MSRA: variants seen among roughly 807,000 people sequenced by gnomAD.
MSRA encodes the protein methionine sulfoxide reductase A.
A neutral mutation model predicts 31.3 loss-of-function variants in MSRA; 54 were observed. The ratio of observed to expected loss-of-function variants is 1.73; its 90% CI spans 1.39 to 2.17. The LOEUF is 2.17. MSRA is among the 30% of genes most tolerant of loss of function. MSRA has a pLI of 0.00. For missense variants in MSRA, 507 were observed against 300.9 expected, an observed-to-expected ratio of 1.69 and a Z score of -5.07; for synonymous variants, 169 against 116.5, an observed-to-expected ratio of 1.45 and a Z score of -2.90.
intron 5 of MSRA, among the ~76,000 whole-genome samples, chr8:10,374,935 A>G (rs1805674662): frequency 6.6e-6 from 1 of 151,646 alleles, no homozygotes; most frequent in Admixed American, 6.6e-5. Flanking sequence ...AAGAGCTTGG[A>G]CCCTCCTCCT....
At chr8:10,111,966 G>A (rs1465595374) in intron 1 of MSRA, among the ~76,000 whole-genome samples, 1 of 152,090 alleles carries the variant, frequency 6.6e-6, no homozygotes, top group Non-Finnish European at 1.5e-5. Context: ...TTGGGTTTTT[G>A]TGGCTGCTCT....
intron 2 of MSRA, among the ~76,000 whole-genome samples, chr8:10,210,219 T>C (rs904786430): frequency 1.3e-5 from 2 of 152,140 alleles, no homozygotes; most frequent in Non-Finnish European, 2.9e-5. Flanking sequence ...ACTCATATAC[T>C]CCTCTTCCTA....
intron 1 of MSRA, among the ~76,000 whole-genome samples, chr8:10,206,018 G>A (rs763230844): frequency 6.6e-6 from 1 of 152,162 alleles, no homozygotes; most frequent in Non-Finnish European, 1.5e-5. Flanking sequence ...TACTTTCATA[G>A]ATATTATGTG....
chr8:10,144,253 C>T (rs771655840), intron 1 of MSRA, among the ~76,000 whole-genome samples: 1 of 152,228 alleles, frequency 6.6e-6, no homozygotes. Flanking sequence ...TGTTTAGGAG[C>T]GAGAACTGTT....
chr8:10,413,377 T>A (rs561666436), intron 5 of MSRA, among the ~76,000 whole-genome samples: 8 of 152,278 alleles, frequency 5.3e-5, no homozygotes, highest in African/African-American at 1.7e-4. Flanking sequence ...TTTACAGAAT[T>A]AGTCCAAGAA....
At chr8:10,212,544 T>G (rs1809595186) in intron 2 of MSRA, among the ~76,000 whole-genome samples, 1 of 152,234 alleles carries the variant, frequency 6.6e-6, no homozygotes, top group Non-Finnish European at 1.5e-5. Context: ...TTATATTCAA[T>G]AAATATTGTT....
At chr8:10,288,921 A>G (rs1320885252) in intron 3 of MSRA, among the ~76,000 whole-genome samples, 2 of 152,204 alleles carry the variant, frequency 1.3e-5, no homozygotes, top group South Asian at 4.1e-4. Flanking sequence ...GCTCTCTGGC[A>G]AAAATGGTGC....
At chr8:10,138,499 G>A (rs544722753) in intron 1 of MSRA, among the ~76,000 whole-genome samples, 29 of 152,174 alleles carry the variant, frequency 1.9e-4, no homozygotes, top group Non-Finnish European at 3.4e-4. Flanking sequence ...GCCAGGATAA[G>A]AAATAAGACG....
intron 1 of MSRA, chr8:10,095,925 G>T: frequency 1.5e-6 from 2 of 1,336,280 alleles, no homozygotes; most frequent in South Asian, 2.3e-5. Flanking sequence ...TATAGAAGAT[G>T]GCAAGGCAAA....
At chr8:10,346,771 G>A (rs1003052533) in intron 5 of MSRA, among the ~76,000 whole-genome samples, 8 of 152,202 alleles carry the variant, frequency 5.3e-5, no homozygotes, top group African/African-American at 1.9e-4. Context: ...ACAAAAGTTA[G>A]GGAAACTGTC....
chr8:10,131,795 G>C (rs565836222), intron 1 of MSRA, among the ~76,000 whole-genome samples: 60 of 152,282 alleles, frequency 3.9e-4, no homozygotes, highest in African/African-American at 1.4e-3. Context: ...GCGATGCTGG[G>C]ATGCCAGAAA....
Position 10,267,600 on chromosome 8 carries a change from C to T in MSRA, c.331+22377C>T, listed in dbSNP as rs1268600998. ...TCCTAGTATTTAGCCTTCCATTGTG[C>T]TTCTAGCCCAGAAGTGTGCTTGCTT... On this transcript the variant is annotated intron_variant, in intron 3 of 5. Coordinates refer to ENST00000317173, the MANE Select transcript of MSRA (RefSeq NM_012331.5). 2.0e-5 allele frequency among the ~76,000 whole-genome samples: 3 copies of T among 152,064 alleles called. No homozygotes were observed. The East Asian group carries it at 5.8e-4, about 29-fold the overall frequency.
chr8:10,204,261 AC>A (rs1808751914), intron 1 of MSRA, among the ~76,000 whole-genome samples: 1 of 152,256 alleles, frequency 6.6e-6, no homozygotes, highest in Non-Finnish European at 1.5e-5. Flanking sequence ...AATTTAAAAA[AC>A]AATTTAGTGT....
intron 5 of MSRA, among the ~76,000 whole-genome samples, chr8:10,394,714 A>C (rs1400867839): frequency 6.6e-6 from 1 of 152,206 alleles, no homozygotes; most frequent in Non-Finnish European, 1.5e-5. Context: ...TCCCTTCTGC[A>C]CTCTGCCCCA....
chr8:10,209,778 G>A (rs914023281), intron 2 of MSRA, among the ~76,000 whole-genome samples: 3 of 152,208 alleles, frequency 2.0e-5, no homozygotes, highest in African/African-American at 7.2e-5. Flanking sequence ...GGAGCAGGGG[G>A]CAGCCCCTGG....
intron 3 of MSRA, among the ~76,000 whole-genome samples, chr8:10,251,109 C>T (rs747473235): frequency 7.9e-5 from 12 of 152,132 alleles, no homozygotes; most frequent in Non-Finnish European, 1.8e-4. Context: ...TCATGTCACC[C>T]CCTTTTCCAA....
At chr8:10,205,837 C>A (rs1183252063) in intron 1 of MSRA, among the ~76,000 whole-genome samples, 1 of 152,082 alleles carries the variant, frequency 6.6e-6, no homozygotes, top group Non-Finnish European at 1.5e-5. Flanking sequence ...ATTGTGTTTC[C>A]TTACCATTAT....
intron 1 of MSRA, among the ~76,000 whole-genome samples, chr8:10,127,327 G>T (rs1250832395): frequency 6.6e-6 from 1 of 152,202 alleles, no homozygotes; most frequent in African/African-American, 2.4e-5. Context: ...GCATAAATGG[G>T]TACGGACTAT....
intron 1 of MSRA, among the ~76,000 whole-genome samples, chr8:10,153,670 C>A (rs559513201): frequency 1.3e-5 from 2 of 152,150 alleles, no homozygotes; most frequent in Non-Finnish European, 2.9e-5. Flanking sequence ...TGTCGCCCAC[C>A]GTCTGAGAAA....
Sources: allele counts gnomAD v4.1 joint callset (sites outside exome capture counted in the v4.1 genomes callset), GRCh38; gene constraint gnomAD v4.1.1; transcripts MANE v1.5; gene names NCBI Gene and HGNC (gene_info 2026-07-23, HGNC 2026-07-21).